The following KIZ variants were observed in gnomAD, a reference collection of about 807,000 sequenced individuals.
KIZ encodes the protein centrosomal protein kizuna.
A neutral mutation model predicts 79.6 loss-of-function variants in KIZ; 68 were observed. That is an observed-to-expected ratio of 0.85 (90% CI 0.70 to 1.05). KIZ has a LOEUF of 1.05. KIZ is among the 50% of genes least tolerant of loss of function. KIZ has a pLI of 0.00. For synonymous variants in KIZ, 280 were observed against 281.8 expected (o/e 0.99, Z 0.06); for missense variants, 797 against 800.4 (o/e 1.00, Z 0.05).
At chr20:21,217,613 C>T (rs907769189) in intron 9 of KIZ, among the ~76,000 whole-genome samples, 1 of 152,162 alleles carries the variant, frequency 6.6e-6, no homozygotes, top group Non-Finnish European at 1.5e-5. Flanking sequence ...CCATCAGTGT[C>T]AGCTCTTTTA....
intron 1 of KIZ, among the ~76,000 whole-genome samples, chr20:21,127,877 T>C (rs2031583616): frequency 6.6e-6 from 1 of 152,242 alleles, no homozygotes; most frequent in Non-Finnish European, 1.5e-5. Flanking sequence ...CAGATTTTTT[T>C]CTTTCTCTCT....
At chr20:21,220,927 G>C (rs2036483164) in intron 9 of KIZ, among the ~76,000 whole-genome samples, 1 of 152,162 alleles carries the variant, frequency 6.6e-6, no homozygotes, top group Non-Finnish European at 1.5e-5. Flanking sequence ...CCTTTCTCTT[G>C]GGTTAGGCCT....
At position 21,185,814 on chromosome 20, in the gene KIZ, C is replaced by T. The variant is rs538508233; in HGVS notation, c.1353-19677C>T. ...ACAGCCTCAACCTCCCAGGTTCAAG[C>T]AGTTCTCCTGCCTCAGCCTCCCGAG... On this transcript the variant is annotated intron_variant, in intron 6 of 12. Coordinates refer to ENST00000619189, the MANE Select transcript of KIZ (RefSeq NM_018474.6). 8.6e-5 allele frequency among the ~76,000 whole-genome samples: 13 copies of T among 151,670 alleles called. 1 individual carries two copies. The East Asian group carries it at 2.5e-3, about 30-fold the overall frequency.
At chr20:21,156,929 G>A (rs946513001) in intron 4 of KIZ, among the ~76,000 whole-genome samples, 2 of 152,112 alleles carry the variant, frequency 1.3e-5, no homozygotes, top group African/African-American at 4.8e-5. Flanking sequence ...GGAGTGTTTT[G>A]TATTATTTTT....
At chr20:21,126,307 G>T (rs2031462072) in intron 1 of KIZ, 103 bp downstream of exon 1, 3 of 764,250 alleles carry the variant, frequency 3.9e-6, no homozygotes, top group African/African-American at 3.7e-5. Flanking sequence ...GTTCCCCGGG[G>T]CCCAGGCCCG....
intron 2 of KIZ, 137 bp from the exon 3 acceptor site, chr20:21,136,253 T>C (rs1436105843): frequency 1.7e-6 from 1 of 579,578 alleles, no homozygotes; most frequent in Non-Finnish European, 3.1e-6. Context: ...ATATACATTT[T>C]GTTGTTTGGG....
intron 4 of KIZ, among the ~76,000 whole-genome samples, chr20:21,157,674 G>T (rs968919663): frequency 6.6e-6 from 1 of 152,154 alleles, no homozygotes; most frequent in Non-Finnish European, 1.5e-5. Flanking sequence ...ATCTTAGGGG[G>T]TTGGAGACAT....
intron 7 of KIZ, among the ~76,000 whole-genome samples, chr20:21,210,271 G>A (rs991738084): frequency 3.9e-5 from 6 of 152,098 alleles, no homozygotes; most frequent in Non-Finnish European, 8.8e-5. Context: ...TCGCGCCACT[G>A]CACTCCAGCC....
chr20:21,211,545 CTG>C lies in KIZ; in HGVS notation c.1447-2987_1447-2986del, dbSNP rs555190623. On this transcript the variant is annotated intron_variant, in intron 7 of 12. Coordinates refer to ENST00000619189, the MANE Select transcript of KIZ (RefSeq NM_018474.6). ...TCAATCATAAGCACTATCAGAAAGC[CTG>C]TGGTAAAATTGTTGTCTAATGGCAT... is the stretch of plus-strand genomic sequence containing the variant. Among the ~76,000 whole-genome samples the C allele has an allele frequency of 2.4e-3, 365 of 152,262 alleles. 2 individuals are homozygous for C. Among genetic ancestry groups the C allele is most frequent in the Non-Finnish European group, 3.6e-3 (245 of 68,014 alleles).
rs1489059925 is a variant in KIZ, at chr20:21,163,116, C to T, written c.1309C>T (p.Pro437Ser). Residue 437 changes from proline (P) to serine (S), a missense_variant, in exon 6 of 13, where the codon CCT becomes TCT. Physicochemically the swap from Pro to Ser is moderately conservative, Grantham distance 74. Coordinates refer to ENST00000619189, the MANE Select transcript of KIZ (RefSeq NM_018474.6). ...KNCILQTLSS[P>S]DSEKESSTNA... The stretch of plus-strand genomic sequence containing the variant: ...TTGTATTTTGCAAACCCTAAGCTCT[C>T]CTGATTCAGAAAAGGAATCCTCCAC... 6.2e-7 allele frequency: 1 copy of T among 1,613,030 alleles called. No individual in the cohort carries two copies. The highest frequency in any genetic ancestry group is 8.5e-7 in the Non-Finnish European group (1 of 1,179,582).
rs549260283 is a variant in KIZ, at chr20:21,127,021, A to T, written c.89+817A>T. 4.6e-5 allele frequency among the ~76,000 whole-genome samples: 7 copies of T among 152,354 alleles called. No homozygotes were observed. In the East Asian group the frequency reaches 1.3e-3, roughly 29 times the overall value. On this transcript the variant is annotated intron_variant, in intron 1 of 12. Transcript: ENST00000619189. ...ATTTAATGAGTGTTAAAAGTTACAA[A>T]ATCATTCTAGTGAACAGGAGAGCTG...
chr20:21,179,450 G>A (rs947856394), intron 6 of KIZ, among the ~76,000 whole-genome samples: 4 of 151,476 alleles, frequency 2.6e-5, no homozygotes, highest in African/African-American at 9.7e-5. Context: ...CTGATTTTAT[G>A]TATTTGGGTT....
chr20:21,227,836 C>T (rs1438121197), intron 9 of KIZ, among the ~76,000 whole-genome samples: 1 of 152,166 alleles, frequency 6.6e-6, no homozygotes, highest in Non-Finnish European at 1.5e-5. Flanking sequence ...TTTTCTTTAT[C>T]AGATTTTTCA....
intron 11 of KIZ, among the ~76,000 whole-genome samples, chr20:21,235,337 C>A: frequency 6.6e-6 from 1 of 152,156 alleles, no homozygotes; most frequent in African/African-American, 2.4e-5. Flanking sequence ...AAATCACGGG[C>A]AAGTAGGCAG....
At chr20:21,140,803 A>T (rs936723673) in intron 3 of KIZ, among the ~76,000 whole-genome samples, 46 of 152,190 alleles carry the variant, frequency 3.0e-4, no homozygotes, top group South Asian at 1.5e-3. Context: ...ACATAGTGAG[A>T]CCCCATCTGT....
chr20:21,187,219 C>A (rs971793054), intron 6 of KIZ, among the ~76,000 whole-genome samples: 5 of 152,168 alleles, frequency 3.3e-5, no homozygotes, highest in Admixed American at 2.0e-4. Flanking sequence ...GGTTCAACAG[C>A]AAACCAGCCC....
intron 4 of KIZ, among the ~76,000 whole-genome samples, chr20:21,161,158 T>A (rs553171597): frequency 6.6e-6 from 1 of 152,326 alleles, no homozygotes; most frequent in Middle Eastern, 3.4e-3. Flanking sequence ...ATCCAAATCC[T>A]TTTCCCACTT....
At chr20:21,224,655 A>G (rs981646062) in intron 9 of KIZ, among the ~76,000 whole-genome samples, 7 of 151,728 alleles carry the variant, frequency 4.6e-5, no homozygotes, top group African/African-American at 7.3e-5. Context: ...TCTGAGCCCA[A>G]CTCTTCTTTT....
intron 1 of KIZ, among the ~76,000 whole-genome samples, chr20:21,128,661 G>A (rs2031641330): frequency 6.6e-6 from 1 of 152,196 alleles, no homozygotes; most frequent in African/African-American, 2.4e-5. Flanking sequence ...GAATCTAAAA[G>A]AGTCTAATGG....
Sources: gnomAD v4.1 joint callset for allele counts (sites outside exome capture counted in the v4.1 genomes callset) on GRCh38, gnomAD v4.1.1 for gene constraint, MANE v1.5 for transcripts, NCBI Gene and HGNC (gene_info 2026-07-23, HGNC 2026-07-21) for gene names.